RBFOX1: variants seen among roughly 807,000 people sequenced by gnomAD.
The protein encoded by RBFOX1 is RNA binding fox-1 homolog 1.
A neutral mutation model predicts 57.7 loss-of-function variants in RBFOX1; 8 were observed. The observed-to-expected ratio is 0.14, with a 90% CI of 0.08 to 0.25. The LOEUF is 0.25. RBFOX1 is among the 10% of genes least tolerant of loss of function. The pLI is 1.00. For missense variants in RBFOX1, 611 were observed against 548.5 expected (o/e 1.11, Z -1.14); for synonymous variants, 326 against 222.4 (o/e 1.47, Z -4.15).
chr16:6,838,589 C>G (rs542955416), intron 3 of RBFOX1, among the ~76,000 whole-genome samples: 2 of 152,190 alleles, frequency 1.3e-5, no homozygotes, highest in African/African-American at 4.8e-5. Context: ...TCTGCTGCCC[C>G]TCTGCTGCTG....
chr16:6,818,658 C>T (rs560664338), intron 3 of RBFOX1, among the ~76,000 whole-genome samples: 1 of 152,170 alleles, frequency 6.6e-6, no homozygotes, highest in East Asian at 1.9e-4. Flanking sequence ...TCATTTTTCC[C>T]CCCTTCTTCT....
chr16:7,157,284 A>G (rs2077349820), intron 4 of RBFOX1, among the ~76,000 whole-genome samples: 1 of 152,212 alleles, frequency 6.6e-6, no homozygotes, highest in African/African-American at 2.4e-5. Flanking sequence ...AGAAGACCAT[A>G]TGCTTGATTA....
At chr16:7,423,093 A>AAG (rs56239071) in intron 4 of RBFOX1, 62 of 144,990 alleles carry the variant, frequency 4.3e-4, no homozygotes, top group African/African-American at 5.4e-4. Context: ...ATGAGGGAGA[A>AAG]AGAGAGAGAG....
rs541043114 is a variant in RBFOX1, at chr16:7,128,372, T to A, written c.27+76274T>A. Among the ~76,000 whole-genome samples the A allele has an allele frequency of 1.3e-4, 11 of 87,282 alleles. 1 individual carries two copies. Among genetic ancestry groups the A allele is most frequent in the Admixed American group, 6.1e-4 (6 of 9,844 alleles). 57.3% of individuals were successfully genotyped at this position (87,282 alleles called of 152,430 possible). On this transcript the variant is annotated intron_variant, in intron 4 of 15. Coordinates refer to ENST00000550418, the MANE Select transcript of RBFOX1 (RefSeq NM_018723.4). ...CTGTCACTTAGCTATTGCTGTGTAA[T>A]GAGCTAGTCCAAAGCCTAGTGGCTT...
chr16:5,909,804 C>A (rs2058564683), intron 4 of RBFOX1, among the ~76,000 whole-genome samples: 1 of 152,142 alleles, frequency 6.6e-6, no homozygotes, highest in African/African-American at 2.4e-5. Flanking sequence ...GTAATCTCAG[C>A]ACTTTGGGAG....
At chr16:6,946,447 A>C (rs1050301229) in intron 3 of RBFOX1, among the ~76,000 whole-genome samples, 1 of 152,128 alleles carries the variant, frequency 6.6e-6, no homozygotes, top group Non-Finnish European at 1.5e-5. Flanking sequence ...GCTGTTACCC[A>C]CTATGGTAAC....
At chr16:7,505,919 C>G (rs533879779) in intron 4 of RBFOX1, among the ~76,000 whole-genome samples, 3 of 152,234 alleles carry the variant, frequency 2.0e-5, no homozygotes, top group African/African-American at 7.2e-5. Flanking sequence ...GGTGCAGTGG[C>G]TCATGCCTGT....
intron 4 of RBFOX1, chr16:7,422,689 T>C (rs375714950): frequency 3.3e-5 from 5 of 152,162 alleles, no homozygotes; most frequent in East Asian, 1.9e-4. Flanking sequence ...TTGGCTGAGA[T>C]GTATAGGAGT....
At chr16:6,007,206 T>C (rs145597746) in intron 4 of RBFOX1, among the ~76,000 whole-genome samples, 1 of 152,176 alleles carries the variant, frequency 6.6e-6, no homozygotes, top group Non-Finnish European at 1.5e-5. Context: ...TCACTTCCCA[T>C]AAGTGGAATA....
At chr16:5,274,884 G>T (rs2063104687) in intron 1 of RBFOX1, among the ~76,000 whole-genome samples, 1 of 152,198 alleles carries the variant, frequency 6.6e-6, no homozygotes, top group Admixed American at 6.5e-5. Context: ...GATCCAGGAG[G>T]AGGAAGCCTC....
intron 3 of RBFOX1, among the ~76,000 whole-genome samples, chr16:5,784,453 A>C (rs1026154865): frequency 4.6e-5 from 7 of 151,944 alleles, no homozygotes; most frequent in Non-Finnish European, 8.8e-5. Flanking sequence ...GGAAGCAGGC[A>C]CATCTTACAT....
intron 1 of RBFOX1, among the ~76,000 whole-genome samples, chr16:6,152,230 T>G (rs986212404): frequency 1.3e-5 from 2 of 152,188 alleles, no homozygotes; most frequent in African/African-American, 4.8e-5. Flanking sequence ...TAATAGTGGC[T>G]TTGATAATTA....
At chr16:7,292,778 G>A (rs1273147377) in intron 4 of RBFOX1, among the ~76,000 whole-genome samples, 4 of 152,006 alleles carry the variant, frequency 2.6e-5, no homozygotes, top group Non-Finnish European at 5.9e-5. Flanking sequence ...TCTGATACGA[G>A]GTGAAGGAAA....
At chr16:7,412,498 C>G (rs567260370) in intron 4 of RBFOX1, among the ~76,000 whole-genome samples, 1 of 151,116 alleles carries the variant, frequency 6.6e-6, no homozygotes, top group Admixed American at 6.6e-5. Context: ...TTCTGTAAAT[C>G]GAAAAGTATG....
chr16:5,289,351 G>T, intron 1 of RBFOX1: 1 of 404,784 alleles, frequency 2.5e-6, no homozygotes, highest in Non-Finnish European at 4.7e-6. Context: ...CCCAGGAGGA[G>T]GAGGAGGGCC....
chr16:5,804,756 C>A (rs2055172825), intron 3 of RBFOX1, among the ~76,000 whole-genome samples: 1 of 152,164 alleles, frequency 6.6e-6, no homozygotes, highest in East Asian at 1.9e-4. Flanking sequence ...TGCTGCCTGG[C>A]CTTGAGTCCT....
At chr16:5,345,860 G>A (rs1003929325) in intron 1 of RBFOX1, among the ~76,000 whole-genome samples, 2 of 152,190 alleles carry the variant, frequency 1.3e-5, no homozygotes, top group South Asian at 4.1e-4. Context: ...CCCGTTAGTG[G>A]GCTGGTGAGG....
intron 2 of RBFOX1, among the ~76,000 whole-genome samples, chr16:6,622,800 T>A (rs1056276324): frequency 6.6e-6 from 1 of 152,248 alleles, no homozygotes; most frequent in African/African-American, 2.4e-5. Flanking sequence ...AAGCCACTGA[T>A]GAGCTGAGAA....
At chr16:5,566,494 C>A (rs1413560547) in intron 2 of RBFOX1, among the ~76,000 whole-genome samples, 1 of 151,872 alleles carries the variant, frequency 6.6e-6, no homozygotes, top group Non-Finnish European at 1.5e-5. Context: ...TATATTTTGT[C>A]TTTGGTCAGT....
Sources: allele counts gnomAD v4.1 joint callset (sites outside exome capture counted in the v4.1 genomes callset), GRCh38; gene constraint gnomAD v4.1.1; transcripts MANE v1.5; gene names NCBI Gene and HGNC (gene_info 2026-07-23, HGNC 2026-07-21).